Variants in ANTXR1 observed in about 807,000 individuals in gnomAD.
ANTXR1 encodes the protein anthrax toxin receptor 1.
A neutral mutation model predicts 78.1 loss-of-function variants in ANTXR1; 19 were observed. That is an observed-to-expected ratio of 0.24 (90% CI 0.17 to 0.36). The LOEUF is 0.36. ANTXR1 is among the 10% of genes least tolerant of loss of function. The pLI is 1.00. For missense variants in ANTXR1, 518 were observed against 718.6 expected, an observed-to-expected ratio of 0.72 and a Z score of 3.19; for synonymous variants, 273 against 260.5, an observed-to-expected ratio of 1.05 and a Z score of -0.46.
At chr2:69,017,194 A>C (rs1006682442) in intron 1 of ANTXR1, among the ~76,000 whole-genome samples, 1 of 152,242 alleles carries the variant, frequency 6.6e-6, no homozygotes, top group Non-Finnish European at 1.5e-5. Context: ...GCCAAAACGC[A>C]GTGGTGGCAA....
Position 69,070,694 on chromosome 2 carries a change from G to A in ANTXR1, c.344G>A (p.Gly115Glu). 6.2e-7 allele frequency: 1 copy of A among 1,614,138 alleles called. No individual in the cohort carries two copies. The highest frequency in any genetic ancestry group is 8.5e-7 in the Non-Finnish European group (1 of 1,180,012). ...GAAGAACTCCAGAAAGTTCTGCCAGGAGGAGACACTTACATGCATGAAGGA... is the reference window on the plus strand; with the variant it reads ...GAAGAACTCCAGAAAGTTCTGCCAGAAGGAGACACTTACATGCATGAAGGA... ...GLEELQKVLP[G>E]GDTYMHEGFE... Residue 115 changes from glycine to glutamate, a missense_variant, in exon 4 of 18, where the codon GGA (glycine) becomes GAA (glutamate). Gly to Glu is a moderately conservative substitution (Grantham distance 98). This residue lies in a region of ANTXR1 where 264 missense variants were observed against 391.8 expected (regional missense o/e 0.67). Coordinates refer to ENST00000303714, the MANE Select transcript of ANTXR1 (RefSeq NM_032208.3).
chr2:69,085,015 G>T (rs1164660916), intron 8 of ANTXR1, among the ~76,000 whole-genome samples: 2 of 151,850 alleles, frequency 1.3e-5, no homozygotes, highest in Non-Finnish European at 2.9e-5. Context: ...ACCACACCTG[G>T]CTAATTTTTT....
intron 17 of ANTXR1, among the ~76,000 whole-genome samples, chr2:69,198,040 T>G (rs1674702596): frequency 6.6e-6 from 1 of 152,222 alleles, no homozygotes; most frequent in Non-Finnish European, 1.5e-5. Flanking sequence ...GAGATTGATT[T>G]TCAAGTATCT....
intron 9 of ANTXR1, among the ~76,000 whole-genome samples, chr2:69,101,767 T>C (rs1288367384): frequency 6.6e-6 from 1 of 152,216 alleles, no homozygotes. Flanking sequence ...TCCTCTGACC[T>C]TCAGTCTATT....
At chr2:69,085,806 A>T (rs902088251) in intron 8 of ANTXR1, among the ~76,000 whole-genome samples, 6 of 152,252 alleles carry the variant, frequency 3.9e-5, no homozygotes, top group Admixed American at 1.3e-4. Context: ...TCATTGGTCA[A>T]ATCACCAGCA....
chr2:69,073,095 G>A lies in ANTXR1; in HGVS notation c.486G>A (p.Glu162=). Residue 162 remains glutamate, a synonymous_variant, in exon 6 of 18, where the codon GAG becomes GAA. Coordinates refer to ENST00000303714, the MANE Select transcript of ANTXR1 (RefSeq NM_032208.3). The part of the protein sequence containing the change: ...ELHEDLFFYS[E]REANRSRDLG... Reference sequence around the variant, plus strand: ...ATGAAGATCTCTTTTTCTATTCAGAGAGGGAGGTAAGCAACGGCCTGGCTG... The same window carrying A: ...ATGAAGATCTCTTTTTCTATTCAGAAAGGGAGGTAAGCAACGGCCTGGCTG... 6.2e-7 allele frequency: 1 copy of A among 1,614,066 alleles called. No individual in the cohort carries two copies. Among genetic ancestry groups the A allele is most frequent in the Non-Finnish European group, 8.5e-7 (1 of 1,179,914 alleles).
At chr2:69,116,452 A>G (rs914631646) in intron 10 of ANTXR1, among the ~76,000 whole-genome samples, 1 of 152,162 alleles carries the variant, frequency 6.6e-6, no homozygotes, top group African/African-American at 2.4e-5. Context: ...GGCAGTGAGG[A>G]GGTAGAAATA....
intron 12 of ANTXR1, among the ~76,000 whole-genome samples, chr2:69,125,380 C>T (rs1392402583): frequency 6.6e-6 from 1 of 152,190 alleles, no homozygotes; most frequent in East Asian, 1.9e-4. Flanking sequence ...TGAACCTAAG[C>T]CTCTGGCATG....
chr2:69,159,337 G>A (rs903878573), intron 13 of ANTXR1, among the ~76,000 whole-genome samples: 5 of 152,088 alleles, frequency 3.3e-5, no homozygotes, highest in Non-Finnish European at 7.3e-5. Flanking sequence ...CTTTGGAAGA[G>A]CCGAGGCAGG....
At position 69,210,927 on chromosome 2, in the gene ANTXR1, C is replaced by T. The variant is rs1675025416; in HGVS notation, c.1434+17512C>T. Among the ~76,000 whole-genome samples, 4 of 135,168 alleles carry T rather than the reference C, an allele frequency of 3.0e-5. No homozygotes were observed. In the South Asian group the frequency reaches 9.6e-4, roughly 32 times the overall value. The allele number at this position is 135,168 out of a possible 152,430, so 88.7% of individuals were successfully genotyped here. Reference sequence around the variant, plus strand: ...CTCCAGCCTGGGCGACAGAGTGAGACTCCATCACAAAAAAAAAAAAAAAAA... The same window carrying T: ...CTCCAGCCTGGGCGACAGAGTGAGATTCCATCACAAAAAAAAAAAAAAAAA... On this transcript the variant is annotated intron_variant, in intron 17 of 17. Transcript: ENST00000303714.
intron 17 of ANTXR1, among the ~76,000 whole-genome samples, chr2:69,198,614 A>G (rs1489838821): frequency 6.6e-6 from 1 of 152,234 alleles, no homozygotes. Context: ...TTTTAGAAAT[A>G]TATTCAAGTT....
chr2:69,203,689 T>A (rs531944943), intron 17 of ANTXR1, among the ~76,000 whole-genome samples: 3 of 151,988 alleles, frequency 2.0e-5, no homozygotes, highest in African/African-American at 7.2e-5. Flanking sequence ...CACAATCTGA[T>A]CCCCCTTTTT....
intron 16 of ANTXR1, among the ~76,000 whole-genome samples, chr2:69,183,579 T>TG (rs1438960598): frequency 0.048 from 5,889 of 121,846 alleles, 426 homozygotes; most frequent in African/African-American, 0.21. Flanking sequence ...TTTTTGTTTT[T>TG]TTTTTTTTTT....
At chr2:69,130,768 T>G (rs1434519004) in intron 12 of ANTXR1, among the ~76,000 whole-genome samples, 3 of 152,218 alleles carry the variant, frequency 2.0e-5, no homozygotes, top group African/African-American at 7.2e-5. Flanking sequence ...GTCCCGTGGC[T>G]TATAAACAGG....
intron 16 of ANTXR1, among the ~76,000 whole-genome samples, chr2:69,192,290 C>G (rs778579367): frequency 4.6e-5 from 7 of 152,170 alleles, no homozygotes; most frequent in Non-Finnish European, 8.8e-5. Context: ...AAGGTGTTGG[C>G]AGAGCTGTTT....
At chr2:69,125,617 G>C (rs1672508673) in intron 12 of ANTXR1, among the ~76,000 whole-genome samples, 1 of 152,154 alleles carries the variant, frequency 6.6e-6, no homozygotes, top group African/African-American at 2.4e-5. Flanking sequence ...GAGGTGCATG[G>C]ATCACTTGAG....
chr2:69,149,107 C>T (rs1348037837), intron 12 of ANTXR1, among the ~76,000 whole-genome samples: 3 of 152,212 alleles, frequency 2.0e-5, no homozygotes, highest in Non-Finnish European at 2.9e-5. Flanking sequence ...TCTCAAAAAA[C>T]AGACAGTGCA....
chr2:69,015,271 G>GTAA (rs1670989003), intron 1 of ANTXR1, among the ~76,000 whole-genome samples: 1 of 76,496 alleles, frequency 1.3e-5, no homozygotes, highest in Non-Finnish European at 2.4e-5. Context: ...GCTTATCTTA[G>GTAA]CAAAAAAAAA....
Position 69,102,958 on chromosome 2 carries a change from C to G in ANTXR1, c.802+18C>G. The G allele has an allele frequency of 6.2e-7, 1 of 1,610,096 alleles. No homozygotes were observed. Among genetic ancestry groups the G allele is most frequent in the Middle Eastern group, 1.7e-4 (1 of 6,054 alleles). ...CACACTCAGTAAGTCCTTGCAGAGT[C>G]CATGGGTTTCTTCGACAAGTGGCTT... is the stretch of plus-strand genomic sequence containing the variant. On this transcript the variant is annotated intron_variant, in intron 10 of 17. Coordinates refer to ENST00000303714, the MANE Select transcript of ANTXR1 (RefSeq NM_032208.3).
Sources: gnomAD v4.1 joint callset for allele counts (sites outside exome capture counted in the v4.1 genomes callset) on GRCh38, gnomAD v4.1.1 for gene constraint, gnomAD v4.1.1 regional missense constraint, MANE v1.5 for transcripts, NCBI Gene and HGNC (gene_info 2026-07-23, HGNC 2026-07-21) for gene names.